The following PPP2R5C variants were observed in gnomAD, a reference collection of about 807,000 sequenced individuals.
PPP2R5C encodes protein phosphatase 2 regulatory subunit B'gamma, also known as serine/threonine-protein phosphatase 2A 56 kDa regulatory subunit gamma isoform.
PPP2R5C carries 7 observed loss-of-function variants against 68.9 expected under a neutral mutation model. That is an observed-to-expected ratio of 0.10 (90% CI 0.06 to 0.19). PPP2R5C has a LOEUF of 0.19. Among genes scored for constraint, PPP2R5C ranks in the 10% least tolerant of loss-of-function variants. The probability of loss-of-function intolerance (pLI) is 1.00; values close to 1 mark genes in which losing one functional copy is unlikely to be tolerated. For missense variants in PPP2R5C, 348 were observed against 641.3 expected, an observed-to-expected ratio of 0.54 and a Z score of 4.94; for synonymous variants, 210 against 222.2, an observed-to-expected ratio of 0.95 and a Z score of 0.49.
At chr14:101,901,695 C>CT in intron 8 of PPP2R5C, 24 bp from the exon 11 acceptor site, 2 of 1,611,368 alleles carry the variant, frequency 1.2e-6, no homozygotes, top group Non-Finnish European at 1.7e-6. Context: ...GCATCAGTCA[C>CT]TCCACGTGTC....
At chr14:101,772,924 C>G (rs2037226718) in intron 2 of PPP2R5C, among the ~76,000 whole-genome samples, 1 of 152,190 alleles carries the variant, frequency 6.6e-6, no homozygotes, top group Admixed American at 6.5e-5. Context: ...GGGCCACTGT[C>G]CAGAACACGG....
intron 2 of PPP2R5C, among the ~76,000 whole-genome samples, chr14:101,784,317 G>A (rs753070554): frequency 5.9e-5 from 9 of 152,184 alleles, no homozygotes; most frequent in Non-Finnish European, 1.3e-4. Flanking sequence ...GTGTCTCCAG[G>A]ATGGAGTCTA....
intron 2 of PPP2R5C, among the ~76,000 whole-genome samples, chr14:101,863,916 A>G (rs12897902): frequency 0.075 from 11,384 of 152,160 alleles, 471 homozygotes; most frequent in Middle Eastern, 0.14. Context: ...AAAGAAATGC[A>G]GATTCTTTGG....
intron 2 of PPP2R5C, among the ~76,000 whole-genome samples, chr14:101,770,950 AAC>A (rs562079216): frequency 1.0e-3 from 159 of 152,316 alleles, no homozygotes; most frequent in African/African-American, 3.7e-3. Flanking sequence ...TGTTTCCTTA[AAC>A]ACTGGGTACC....
intron 1 of PPP2R5C, among the ~76,000 whole-genome samples, chr14:101,762,230 C>G (rs546465882): frequency 1.1e-3 from 171 of 152,156 alleles, no homozygotes; most frequent in Non-Finnish European, 1.8e-3. Context: ...GAGGGGCGCC[C>G]GTTTCCGACA....
At chr14:101,849,756 T>C (rs2042042618) in intron 1 of PPP2R5C, among the ~76,000 whole-genome samples, 1 of 152,246 alleles carries the variant, frequency 6.6e-6, no homozygotes, top group Non-Finnish European at 1.5e-5. Context: ...GTGTACCTAG[T>C]TGTCCCAACA....
At chr14:101,761,723 C>G (rs899995501), upstream of PPP2R5C, 3 of 937,122 alleles carry the variant, frequency 3.2e-6, no homozygotes, top group Admixed American at 6.5e-5. Context: ...CCGTGGCTGC[C>G]GCAGCCTCTG....
chr14:101,913,065 C>T lies in PPP2R5C; in HGVS notation c.1326+592C>T, dbSNP rs925597047. On this transcript the variant is annotated intron_variant, in intron 12 of 13. Coordinates refer to ENST00000334743, the Ensembl canonical transcript of PPP2R5C. The surrounding 1 kb of genome is among the most constrained non-coding windows in gnomAD (Gnocchi z 4.1). ...CGGAGCTGCCGGCAGTTCCAGCTGC[C>T]GGGGCTGCCAGGGTCCGGGAGGGTT... Among the ~76,000 whole-genome samples, 6 of 152,182 alleles carry T rather than the reference C, an allele frequency of 3.9e-5. No individual in the cohort carries two copies. The highest frequency in any genetic ancestry group is 2.1e-4 in the South Asian group (1 of 4,826).
At chr14:101,777,919 C>T (rs1595133556) in intron 2 of PPP2R5C, among the ~76,000 whole-genome samples, 1 of 151,172 alleles carries the variant, frequency 6.6e-6, no homozygotes, top group East Asian at 2.0e-4. Flanking sequence ...ACTACAGGTG[C>T]ATGCCACCAT....
intron 8 of PPP2R5C, among the ~76,000 whole-genome samples, chr14:101,900,123 G>A (rs558146845): frequency 6.6e-6 from 1 of 152,264 alleles, no homozygotes; most frequent in Admixed American, 6.5e-5. Context: ...CTGGGCTCAA[G>A]CATTCCTCCC....
At chr14:101,783,670 G>GC (rs1309724265) in intron 2 of PPP2R5C, among the ~76,000 whole-genome samples, 1 of 152,194 alleles carries the variant, frequency 6.6e-6, no homozygotes, top group African/African-American at 2.4e-5. Context: ...TTGCTTCCCA[G>GC]CCCCCTAGGC....
At chr14:101,761,302 G>T (rs1392037025), upstream of PPP2R5C, among the ~76,000 whole-genome samples, 2 of 152,116 alleles carry the variant, frequency 1.3e-5, no homozygotes, top group Non-Finnish European at 2.9e-5. Flanking sequence ...CATTTCCTAC[G>T]TCTCACGCTC....
intron 2 of PPP2R5C, chr14:101,765,316 G>C: frequency 1.4e-6 from 1 of 700,090 alleles, no homozygotes; most frequent in Non-Finnish European, 2.6e-6. Context: ...AGGAATACAA[G>C]TTGGGACACT....
rs2041008188 is a variant in PPP2R5C, at chr14:101,835,187, G to A, written c.95-21499G>A. On this transcript the variant is annotated intron_variant, in intron 1 of 13. Transcript: ENST00000334743. This position sits in a 1 kb window ranked among gnomAD's most constrained non-coding sequence, Gnocchi z 5.0. ...GCTCCTCATGGCGGTGGGAGCATGG[G>A]CTGCTCAGCTGGGGCCATCCAAGGA... is the stretch of plus-strand genomic sequence containing the variant. Among the ~76,000 whole-genome samples, 1 of 152,164 alleles carries A rather than the reference G, an allele frequency of 6.6e-6. No homozygotes were observed. The highest frequency in any genetic ancestry group is 1.5e-5 in the Non-Finnish European group (1 of 68,030).
chr14:101,764,030 G>GTGTGTGTGTGTGTGTGTGTGT (rs1462659583), intron 2 of PPP2R5C, among the ~76,000 whole-genome samples: 60 of 146,248 alleles, frequency 4.1e-4, no homozygotes, highest in African/African-American at 1.5e-3. Context: ...TGTGTGTGTG[G>GTGTGTGTGTGTGTGTGTGTGT]GCGCGCGCAC....
At chr14:101,883,552 A>C in exon 5 of PPP2R5C, 12 of 1,613,008 alleles carry the variant, frequency 7.4e-6, no homozygotes, top group Non-Finnish European at 1.0e-5. Flanking sequence ...GATAAATAAT[A>C]TATTTTATAG....
At chr14:101,864,969 C>T (rs886904680) in intron 2 of PPP2R5C, among the ~76,000 whole-genome samples, 1 of 152,084 alleles carries the variant, frequency 6.6e-6, no homozygotes. Flanking sequence ...ATGAGCCAAG[C>T]GGCTTTGATG....
At chr14:101,896,580 A>G (rs1372847068) in intron 8 of PPP2R5C, among the ~76,000 whole-genome samples, 1 of 151,462 alleles carries the variant, frequency 6.6e-6, no homozygotes, top group Non-Finnish European at 1.5e-5. Flanking sequence ...CAAAAAATAC[A>G]AAAATTAGCC....
In PPP2R5C at chr14:101,883,672, GT is replaced by G. The variant is rs2044300164; in HGVS notation, c.629+113del. 8 of 1,379,012 alleles carry G rather than the reference GT, an allele frequency of 5.8e-6. No homozygotes were observed. In the East Asian group the frequency reaches 1.8e-4, roughly 32 times the overall value. 85.4% of individuals were successfully genotyped at this position (1,379,012 alleles called of 1,614,324 possible). A position where few individuals can be genotyped will look rare whatever the true frequency, so the allele number is the denominator to read the frequency against. On this transcript the variant is annotated intron_variant, in intron 5 of 13. Transcript: ENST00000334743. ...TGACAGGACTCAGCATGTGGAGGGG[GT>G]TTCTCAAAGCCTATTTGTCATGTGC...
Sources: allele counts gnomAD v4.1 joint callset (sites outside exome capture counted in the v4.1 genomes callset), GRCh38; gene constraint gnomAD v4.1.1; non-coding constraint Gnocchi (gnomAD v3.1); transcripts MANE v1.5; gene names NCBI Gene and HGNC (gene_info 2026-07-23, HGNC 2026-07-21).